The following ARHGEF3 variants were observed in gnomAD, a reference collection of about 807,000 sequenced individuals.
ARHGEF3 encodes the protein Rho guanine nucleotide exchange factor 3.
In ARHGEF3, 28 loss-of-function variants were observed where a neutral mutation model predicts 63.2. The ratio of observed to expected loss-of-function variants is 0.44; its 90% confidence interval spans 0.33 to 0.61. The LOEUF (loss-of-function observed/expected upper bound fraction) is 0.61. ARHGEF3 is among the 20% of genes least tolerant of loss of function. The pLI, the probability that ARHGEF3 is intolerant of heterozygous loss-of-function variation, is 0.03. For missense variants in ARHGEF3, 533 were observed against 659.3 expected (o/e 0.81, Z 2.10); for synonymous variants, 266 against 254.2 (o/e 1.05, Z -0.44).
intron 3 of ARHGEF3, among the ~76,000 whole-genome samples, chr3:56,908,969 T>G (rs2041778984): frequency 6.6e-6 from 1 of 152,202 alleles, no homozygotes; most frequent in Non-Finnish European, 1.5e-5. Flanking sequence ...AAACAAGGTA[T>G]CATCAACACT....
intron 3 of ARHGEF3, among the ~76,000 whole-genome samples, chr3:56,931,768 A>G (rs181550044): frequency 1.3e-5 from 2 of 152,150 alleles, no homozygotes; most frequent in East Asian, 3.9e-4. Context: ...AGAACTCATA[A>G]AAATAATGTG....
At chr3:56,907,063 C>T (rs1011868959) in intron 3 of ARHGEF3, among the ~76,000 whole-genome samples, 2 of 139,352 alleles carry the variant, frequency 1.4e-5, no homozygotes, top group Admixed American at 7.9e-5. Context: ...CTCACTGCAA[C>T]CTCTGCCTCC....
intron 2 of ARHGEF3, among the ~76,000 whole-genome samples, chr3:57,016,422 GC>G (rs1703006091): frequency 1.3e-5 from 2 of 151,640 alleles, no homozygotes; most frequent in Admixed American, 1.3e-4. Context: ...GATGGTGGGC[GC>G]CTATAATCTC....
At chr3:56,995,620 CGAGAGAGAGAGAGAGAGAGAGAGA>C (rs66778716) in intron 2 of ARHGEF3, among the ~76,000 whole-genome samples, 7,270 of 113,258 alleles carry the variant, frequency 0.064, 308 homozygotes, top group African/African-American at 0.12. Context: ...GTAAATTTTC[CGAGAGAGAGAGAGAGAGAGAGAGA>C]GAGAGAGAGA....
chr3:56,821,439 A>G (rs2038490316), intron 4 of ARHGEF3, among the ~76,000 whole-genome samples: 1 of 152,234 alleles, frequency 6.6e-6, no homozygotes, highest in African/African-American at 2.4e-5. Flanking sequence ...TTCTTGTTAT[A>G]TGCTGGTGAG....
intron 3 of ARHGEF3, among the ~76,000 whole-genome samples, chr3:56,939,342 C>G (rs1699063811): frequency 6.6e-6 from 1 of 152,134 alleles, no homozygotes; most frequent in African/African-American, 2.4e-5. Flanking sequence ...CTCATGCTTT[C>G]AAATACATAA....
At chr3:57,012,005 C>T (rs1702721317) in intron 2 of ARHGEF3, among the ~76,000 whole-genome samples, 3 of 152,016 alleles carry the variant, frequency 2.0e-5, no homozygotes, top group African/African-American at 7.3e-5. Context: ...CAGACTCCCT[C>T]ATAGGATACT....
At chr3:56,831,377 C>T (rs1008653607) in intron 4 of ARHGEF3, among the ~76,000 whole-genome samples, 1 of 152,192 alleles carries the variant, frequency 6.6e-6, no homozygotes, top group Non-Finnish European at 1.5e-5. Context: ...TATTTACCTT[C>T]CAAGGGTATT....
intron 3 of ARHGEF3, among the ~76,000 whole-genome samples, chr3:56,958,637 T>C (rs996714184): frequency 2.0e-5 from 3 of 152,118 alleles, no homozygotes; most frequent in African/African-American, 7.2e-5. Context: ...TGGCCACCAC[T>C]TGGAGTTTTT....
chr3:56,952,517 C>T (rs184749591), intron 3 of ARHGEF3, among the ~76,000 whole-genome samples: 345 of 152,242 alleles, frequency 2.3e-3, no homozygotes, highest in Non-Finnish European at 4.3e-3. Flanking sequence ...GTTTAAGCTG[C>T]TAAATTTATA....
chr3:57,014,605 C>G (rs1406926687), intron 2 of ARHGEF3, among the ~76,000 whole-genome samples: 1 of 152,058 alleles, frequency 6.6e-6, no homozygotes, highest in Non-Finnish European at 1.5e-5. Flanking sequence ...CTAAACTTTT[C>G]AGTTTTTTTA....
intron 2 of ARHGEF3, among the ~76,000 whole-genome samples, chr3:56,986,131 G>A (rs1388979957): frequency 6.6e-6 from 1 of 152,206 alleles, no homozygotes; most frequent in East Asian, 1.9e-4. Flanking sequence ...CCAGCAGGGG[G>A]AAATTAAATG....
At chr3:57,011,087 G>A (rs970466845) in intron 2 of ARHGEF3, among the ~76,000 whole-genome samples, 10 of 152,202 alleles carry the variant, frequency 6.6e-5, no homozygotes, top group Admixed American at 1.3e-4. Context: ...GCACCCCTGC[G>A]TGTAGGAGCT....
intron 1 of ARHGEF3, among the ~76,000 whole-genome samples, chr3:56,779,495 T>G (rs6800314): frequency 0.61 from 93,078 of 151,948 alleles, 28,883 homozygotes; most frequent in East Asian, 0.93. Context: ...TATTTTTTTT[T>G]TTTGTTTGTT....
chr3:56,909,168 A>G (rs1344689645), intron 3 of ARHGEF3, among the ~76,000 whole-genome samples: 1 of 152,250 alleles, frequency 6.6e-6, no homozygotes, highest in African/African-American at 2.4e-5. Context: ...GTTCTTCACC[A>G]GGAGCCAGGG....
chr3:57,035,269 A>G (rs1254140595), intron 1 of ARHGEF3: 1 of 643,394 alleles, frequency 1.6e-6, no homozygotes, highest in African/African-American at 1.9e-5. Context: ...AGGGGAATAT[A>G]TCAAGGGTTA....
At chr3:56,824,919 G>A (rs570035014) in intron 4 of ARHGEF3, among the ~76,000 whole-genome samples, 9 of 152,288 alleles carry the variant, frequency 5.9e-5, no homozygotes, top group East Asian at 1.9e-4. Flanking sequence ...TTTGTTAAAC[G>A]ATGTATACCT....
intron 2 of ARHGEF3, among the ~76,000 whole-genome samples, chr3:57,000,289 C>T (rs1579056930): frequency 2.3e-5 from 3 of 129,550 alleles, no homozygotes; most frequent in Middle Eastern, 3.8e-3. Flanking sequence ...ATTGTAAAGT[C>T]CTTTTTTTAG....
chr3:56,839,378 G>T (rs772423606), intron 4 of ARHGEF3, among the ~76,000 whole-genome samples: 1 of 151,722 alleles, frequency 6.6e-6, no homozygotes. Flanking sequence ...TTACACTCCA[G>T]GTAACTCACA....
Sources: gnomAD v4.1 joint callset for allele counts (sites outside exome capture counted in the v4.1 genomes callset) on GRCh38, gnomAD v4.1.1 for gene constraint, MANE v1.5 for transcripts, NCBI Gene and HGNC (gene_info 2026-07-23, HGNC 2026-07-21) for gene names.